Variants in NGEF observed in about 807,000 individuals in gnomAD.
NGEF encodes the protein neuronal guanine nucleotide exchange factor.
Under a neutral mutation model 80.9 loss-of-function variants are expected in NGEF, and 31 were observed. The observed-to-expected ratio is 0.38, with a 90% CI of 0.29 to 0.52. The LOEUF is 0.52. Ranked by LOEUF, NGEF falls within the 20% of genes least tolerant of loss-of-function variation. NGEF has a pLI of 0.84. For synonymous variants in NGEF, 371 were observed against 370.2 expected, an observed-to-expected ratio of 1.00 and a Z score of -0.03; for missense variants, 709 against 926.2, an observed-to-expected ratio of 0.77 and a Z score of 3.04.
At position 232,946,018 on chromosome 2, in the gene NGEF, C is replaced by A. The variant is rs1452949452; in HGVS notation, c.384-18832G>T. Reference sequence around the variant, plus strand: ...ACTGTGATATCCATATATATATATTCTATATATATCTATATGCAATATAGA... The same window carrying A: ...ACTGTGATATCCATATATATATATTATATATATATCTATATGCAATATAGA... On this transcript the variant is annotated intron_variant, in intron 3 of 14. Coordinates refer to ENST00000264051, the MANE Select transcript of NGEF (RefSeq NM_019850.3). 2.7e-5 allele frequency among the ~76,000 whole-genome samples: 4 copies of A among 148,778 alleles called. No individual in the cohort carries two copies. The East Asian group carries it at 7.8e-4, about 29-fold the overall frequency.
intron 3 of NGEF, among the ~76,000 whole-genome samples, chr2:232,937,897 G>A (rs1693360362): frequency 6.6e-6 from 1 of 152,188 alleles, no homozygotes; most frequent in Non-Finnish European, 1.5e-5. Flanking sequence ...CTGTCTGTGT[G>A]AGTCCAAAAA....
At chr2:232,932,611 G>C (rs1188937033) in intron 3 of NGEF, among the ~76,000 whole-genome samples, 2 of 152,056 alleles carry the variant, frequency 1.3e-5, no homozygotes, top group Non-Finnish European at 2.9e-5. Flanking sequence ...TTCTGTCTTA[G>C]TTCAGGCAAA....
chr2:232,948,937 G>C (rs1014051382), intron 3 of NGEF, among the ~76,000 whole-genome samples: 3 of 152,070 alleles, frequency 2.0e-5, no homozygotes, highest in Non-Finnish European at 4.4e-5. Flanking sequence ...AGAATCGCTT[G>C]AATCCAGGAG....
chr2:232,962,070 C>A (rs1693964025), intron 3 of NGEF, among the ~76,000 whole-genome samples: 1 of 152,178 alleles, frequency 6.6e-6, no homozygotes, highest in African/African-American at 2.4e-5. Flanking sequence ...TTACAATATC[C>A]CTCTTTTACT....
chr2:232,988,352 T>C (rs1694581691), intron 1 of NGEF, among the ~76,000 whole-genome samples: 1 of 152,176 alleles, frequency 6.6e-6, no homozygotes, highest in Non-Finnish European at 1.5e-5. Flanking sequence ...TTGATACAAA[T>C]CACCCTTAAA....
At chr2:232,954,939 G>A (rs1235496020) in intron 3 of NGEF, among the ~76,000 whole-genome samples, 5 of 152,006 alleles carry the variant, frequency 3.3e-5, no homozygotes, top group African/African-American at 1.2e-4. Flanking sequence ...ATAGTAACAG[G>A]TCACGCACGT....
intron 1 of NGEF, among the ~76,000 whole-genome samples, chr2:232,999,119 C>T (rs1694918360): frequency 6.6e-6 from 1 of 152,102 alleles, no homozygotes; most frequent in Non-Finnish European, 1.5e-5. Flanking sequence ...TGGAAGCTTC[C>T]CACATCTGAG....
At chr2:232,890,779 G>A (rs1691857046) in intron 8 of NGEF, among the ~76,000 whole-genome samples, 1 of 152,016 alleles carries the variant, frequency 6.6e-6, no homozygotes, top group African/African-American at 2.4e-5. Context: ...GAGCAGCCAG[G>A]GCCAGCTCCT....
At position 232,890,725 on chromosome 2, in the gene NGEF, C is replaced by G. The variant is rs1691855267; in HGVS notation, c.1272+633G>C. 3.3e-5 allele frequency among the ~76,000 whole-genome samples: 5 copies of G among 152,168 alleles called. No individual in the cohort carries two copies. In the South Asian group the frequency reaches 1.0e-3, roughly 32 times the overall value. On this transcript the variant is annotated intron_variant, in intron 8 of 14. Transcript: ENST00000264051. ...CCGGGCCCCCACTCCCCGACCCAGC[C>G]CCACAGGCCAGTGTAACCCCTTCCC...
chr2:232,914,788 G>T (rs1042779123), intron 5 of NGEF, among the ~76,000 whole-genome samples: 2 of 152,090 alleles, frequency 1.3e-5, no homozygotes, highest in Non-Finnish European at 2.9e-5. Flanking sequence ...GGAGGCTGAG[G>T]TGGGTGGATC....
intron 5 of NGEF, among the ~76,000 whole-genome samples, chr2:232,896,766 A>G (rs1692096501): frequency 2.3e-5 from 1 of 42,802 alleles, no homozygotes; most frequent in Admixed American, 2.8e-4. Context: ...GGGTGAGGTT[A>G]GGGGCGTGGG....
intron 3 of NGEF, among the ~76,000 whole-genome samples, chr2:232,957,132 A>T (rs1574636230): frequency 6.6e-6 from 1 of 152,298 alleles, no homozygotes; most frequent in East Asian, 1.9e-4. Context: ...AAGATTGAAA[A>T]TTAAAAGAAT....
chr2:232,916,140 A>G (rs927071049), intron 5 of NGEF, among the ~76,000 whole-genome samples: 13 of 152,378 alleles, frequency 8.5e-5, no homozygotes, highest in Non-Finnish European at 1.0e-4. Flanking sequence ...AAGATTTGCT[A>G]TCAAAATGGA....
At chr2:232,930,346 C>T (rs1319331092) in intron 3 of NGEF, among the ~76,000 whole-genome samples, 1 of 148,740 alleles carries the variant, frequency 6.7e-6, no homozygotes, top group South Asian at 2.1e-4. Flanking sequence ...TTGAAATGGA[C>T]TCTCGCTCTG....
intron 5 of NGEF, 139 bp from the exon 6 acceptor site, chr2:232,895,055 G>A (rs1692013958): frequency 1.1e-6 from 1 of 896,852 alleles, no homozygotes; most frequent in Non-Finnish European, 1.7e-6. Context: ...GGCCTGGGAT[G>A]GCTGCTGCAG....
In NGEF at chr2:232,879,425, C is replaced by G. The variant is rs918557115; in HGVS notation, c.*64G>C. On this transcript the variant is annotated 3_prime_UTR_variant, in exon 15 of 15. Coordinates refer to ENST00000264051, the MANE Select transcript of NGEF (RefSeq NM_019850.3). ...GCTGGCCTGTGCTTCCCAGAGCCCC[C>G]CCCCCCCCACCTTCTGTCGGGGTCT... 3.9e-5 allele frequency: 55 copies of G among 1,424,002 alleles called. No individual in the cohort carries two copies. The highest frequency in any genetic ancestry group is 7.0e-5 in the East Asian group (3 of 42,594). 88.2% of individuals were successfully genotyped at this position (1,424,002 alleles called of 1,614,324 possible). A position where few individuals can be genotyped will look rare whatever the true frequency, so the allele number is the denominator to read the frequency against.
chr2:232,932,163 C>CTTT (rs397988249), intron 3 of NGEF, among the ~76,000 whole-genome samples: 8,529 of 115,442 alleles, frequency 0.074, 1,395 homozygotes, highest in African/African-American at 0.27. Flanking sequence ...AATCACCTTT[C>CTTT]TTTTTTTTTT....
At chr2:232,994,877 TG>T (rs1195129731) in intron 1 of NGEF, among the ~76,000 whole-genome samples, 2 of 151,712 alleles carry the variant, frequency 1.3e-5, no homozygotes, top group African/African-American at 2.4e-5. Context: ...TATACATATA[TG>T]GATATATACA....
chr2:232,883,220 C>T (rs1691572123), intron 12 of NGEF, 91 bp downstream of exon 12: 26 of 1,453,332 alleles, frequency 1.8e-5, no homozygotes, highest in Non-Finnish European at 2.4e-5. Flanking sequence ...TGTGTGGTGC[C>T]TTGTTCCACC....
Sources: gnomAD v4.1 joint callset for allele counts (sites outside exome capture counted in the v4.1 genomes callset) on GRCh38, gnomAD v4.1.1 for gene constraint, MANE v1.5 for transcripts, NCBI Gene and HGNC (gene_info 2026-07-23, HGNC 2026-07-21) for gene names.